PCSK5: variants seen among roughly 807,000 people sequenced by gnomAD.
PCSK5 encodes proprotein convertase subtilisin/kexin type 5, also known as prohormone convertase 5.
PCSK5 carries 129 observed loss-of-function variants against 233.2 expected under a neutral mutation model. That is an observed-to-expected ratio of 0.55 (90% CI 0.48 to 0.64). PCSK5 has a LOEUF of 0.64. Ranked by LOEUF, PCSK5 falls within the 30% of genes least tolerant of loss-of-function variation. PCSK5 has a pLI of 0.00. For synonymous variants in PCSK5, 825 were observed against 879.2 expected, an observed-to-expected ratio of 0.94 and a Z score of 1.09; for missense variants, 2,076 against 2,430.1, an observed-to-expected ratio of 0.85 and a Z score of 3.06.
intron 7 of PCSK5, among the ~76,000 whole-genome samples, chr9:76,093,450 T>C (rs1831381656): frequency 6.6e-6 from 1 of 152,152 alleles, no homozygotes; most frequent in Admixed American, 6.5e-5. Context: ...CCTATGTTTG[T>C]AACTACATTA....
chr9:76,153,024 T>G (rs1197028878), intron 10 of PCSK5, among the ~76,000 whole-genome samples: 1 of 152,192 alleles, frequency 6.6e-6, no homozygotes, highest in Admixed American at 6.5e-5. Flanking sequence ...GAATAAAAAC[T>G]AGCTGTACTT....
At chr9:76,003,443 A>C (rs971949935) in intron 3 of PCSK5, among the ~76,000 whole-genome samples, 2 of 152,232 alleles carry the variant, frequency 1.3e-5, no homozygotes, top group African/African-American at 4.8e-5. Context: ...TAAATTTGAA[A>C]AATACAAACA....
chr9:76,172,397 A>AT (rs1282513263), intron 13 of PCSK5, among the ~76,000 whole-genome samples: 11 of 152,214 alleles, frequency 7.2e-5, no homozygotes, highest in African/African-American at 2.7e-4. Context: ...TGGCCCAAAT[A>AT]TGGCAGTTAT....
At chr9:75,893,588 C>T (rs147665068) in intron 1 of PCSK5, among the ~76,000 whole-genome samples, 1 of 152,198 alleles carries the variant, frequency 6.6e-6, no homozygotes, top group African/African-American at 2.4e-5. Flanking sequence ...TCTGGCATAG[C>T]GAGATGGGAG....
chr9:75,938,221 C>T (rs544581478), intron 2 of PCSK5, among the ~76,000 whole-genome samples: 28 of 152,152 alleles, frequency 1.8e-4, no homozygotes, highest in Admixed American at 5.9e-4. Context: ...TTCATTTGAA[C>T]ACTTAGAGGC....
chr9:76,144,517 G>A (rs1823363489), intron 10 of PCSK5, among the ~76,000 whole-genome samples: 1 of 152,206 alleles, frequency 6.6e-6, no homozygotes, highest in Non-Finnish European at 1.5e-5. Flanking sequence ...CCAAACTAAA[G>A]GGTTGAGTGG....
rs186421326 is a variant in PCSK5 at position 76,156,626 on chromosome 9, G to A, written c.1313-419G>A. Among the ~76,000 whole-genome samples the A allele has an allele frequency of 2.1e-3, 320 of 152,278 alleles. 1 individual carries two copies. Among genetic ancestry groups the A allele is most frequent in the African/African-American group, 7.5e-3 (311 of 41,562 alleles). ...TAAATGCAAGTGATTAAACAGTGGG[G>A]CCCTGGAGAAAAACTACGTGCATTA... On this transcript the variant is annotated intron_variant, in intron 10 of 37. Transcript: ENST00000674117.
At chr9:76,087,422 G>A (rs915000353) in intron 7 of PCSK5, among the ~76,000 whole-genome samples, 5 of 152,174 alleles carry the variant, frequency 3.3e-5, no homozygotes, top group African/African-American at 4.8e-5. Context: ...ACTAGTCTTT[G>A]ACCACCTTAC....
At chr9:76,146,033 CTT>C (rs538709402) in intron 10 of PCSK5, among the ~76,000 whole-genome samples, 3,095 of 148,420 alleles carry the variant, frequency 0.021, 55 homozygotes, top group Middle Eastern at 0.042. Context: ...GATCCAGACT[CTT>C]TTTTTTTTTC....
At chr9:76,347,859 T>A (rs1830019427) in intron 35 of PCSK5, among the ~76,000 whole-genome samples, 1 of 150,008 alleles carries the variant, frequency 6.7e-6, no homozygotes, top group East Asian at 2.0e-4. Context: ...TTTTAGTGTT[T>A]TCTACTCTTA....
chr9:76,137,005 C>T (rs1461441961), intron 10 of PCSK5, among the ~76,000 whole-genome samples: 1 of 152,076 alleles, frequency 6.6e-6, no homozygotes, highest in South Asian at 2.1e-4. Flanking sequence ...TTCAGACATA[C>T]CCCCATGTCC....
chr9:76,152,036 A>G (rs967468546), intron 10 of PCSK5, among the ~76,000 whole-genome samples: 1 of 152,212 alleles, frequency 6.6e-6, no homozygotes, highest in Non-Finnish European at 1.5e-5. Context: ...AATTGAATCT[A>G]ATTTATCGGC....
intron 7 of PCSK5, among the ~76,000 whole-genome samples, chr9:76,093,378 G>A (rs375167139): frequency 6.6e-6 from 1 of 151,456 alleles, no homozygotes; most frequent in Non-Finnish European, 1.5e-5. Context: ...TACAGGTGTT[G>A]GCCACTACAC....
intron 5 of PCSK5, among the ~76,000 whole-genome samples, chr9:76,033,739 G>T (rs1039751219): frequency 6.6e-6 from 1 of 152,114 alleles, no homozygotes; most frequent in African/African-American, 2.4e-5. Flanking sequence ...GTCTGCTGGG[G>T]GCTCAATCCT....
chr9:76,282,856 T>C (rs1185035795), intron 24 of PCSK5, among the ~76,000 whole-genome samples: 1 of 152,142 alleles, frequency 6.6e-6, no homozygotes, highest in Non-Finnish European at 1.5e-5. Flanking sequence ...TTGTGATTCA[T>C]GGGAGGAGGT....
rs1305805544 is a variant in PCSK5, at chr9:76,233,526, C to T, written c.2796C>T (p.Cys932=). The change falls in exon 22 of 38, where the codon TGC becomes TGT. Residue 932 remains cysteine, a synonymous_variant. Transcript: ENST00000674117. ...PSWKFEFENQ[C]HPCHHTCQRC... ...GGAAATTTGAATTTGAGAACCAATG[C>T]CATCCATGCCACCACACCTGCCAGA... 2.5e-6 allele frequency: 4 copies of T among 1,612,222 alleles called. No homozygotes were observed. The highest frequency in any genetic ancestry group is 3.3e-5 in the Admixed American group (2 of 59,992).
intron 20 of PCSK5, chr9:76,193,428 G>GAAAAAAAAAAGCCAAAAAGAA: frequency 1.6e-6 from 1 of 629,930 alleles, no homozygotes; most frequent in Non-Finnish European, 2.2e-6. Flanking sequence ...AAGCCAAAAA[G>GAAAAAAAAAAGCCAAAAAGAA]AAAAAAAAAA....
At chr9:76,180,087 G>GTATATATATATATATA (rs1554701013) in intron 15 of PCSK5, among the ~76,000 whole-genome samples, 1 of 132,598 alleles carries the variant, frequency 7.5e-6, no homozygotes, top group African/African-American at 2.9e-5. Context: ...GTGTGTGTGT[G>GTATATATATATATATA]TATATATATA....
chr9:76,105,781 C>T (rs1831953167), intron 8 of PCSK5, among the ~76,000 whole-genome samples: 1 of 152,130 alleles, frequency 6.6e-6, no homozygotes, highest in Admixed American at 6.5e-5. Context: ...TCTTTCACTC[C>T]TTTTATATCA....
Sources: allele counts gnomAD v4.1 joint callset (sites outside exome capture counted in the v4.1 genomes callset), GRCh38; gene constraint gnomAD v4.1.1; transcripts MANE v1.5; gene names NCBI Gene and HGNC (gene_info 2026-07-23, HGNC 2026-07-21).